OR6Y1: variants seen among roughly 807,000 people sequenced by gnomAD.
The protein encoded by OR6Y1 is olfactory receptor 6Y1.
In OR6Y1, 1 loss-of-function variant was observed where a neutral mutation model predicts 0.4. The ratio of observed to expected loss-of-function variants is 2.74; its 90% CI spans 0.97 to 13.02. The LOEUF (loss-of-function observed/expected upper bound fraction) is 13.02. Ranked by LOEUF, OR6Y1 falls within the 30% of genes most tolerant of loss-of-function variation. The pLI, the probability that OR6Y1 is intolerant of heterozygous loss-of-function variation, is 0.12. For synonymous variants in OR6Y1, 173 were observed against 141.1 expected (o/e 1.23, Z -1.60); for missense variants, 480 against 399.8 (o/e 1.20, Z -1.71).
Position 158,547,858 on chromosome 1 carries a change from C to T in OR6Y1, c.248G>A (p.Ser83Asn). Residue 83 changes from serine (S) to asparagine (N), a missense_variant, in exon 2 of 2, where the codon AGC becomes AAC. Ser to Asn is a conservative substitution (Grantham distance 46, BLOSUM62 1). Coordinates refer to ENST00000641622, the MANE Select transcript of OR6Y1 (RefSeq NM_001005189.2). ...FLEMWYVTVI[S>N]PKMLVDFLSH... ...GAGGAAGTCAACAAGCATCTTGGGG[C>T]TGATGACTGTGACATACCACATCTC... The T allele has an allele frequency of 6.2e-7, 1 of 1,613,552 alleles. No homozygotes were observed. The highest frequency in any genetic ancestry group is 8.5e-7 in the Non-Finnish European group (1 of 1,180,002).
rs1647534172 is a variant in OR6Y1 at position 158,546,400 on chromosome 1, G to GT, written c.*727dup. The GT allele has an allele frequency of 1.3e-5, 2 of 152,126 alleles. No individual in the cohort carries two copies. Among genetic ancestry groups the GT allele is most frequent in the Admixed American group, 1.3e-4 (2 of 15,294 alleles). The allele number at this position is 152,126 out of a possible 1,614,324, so 9.4% of individuals were successfully genotyped here. On this transcript the variant is annotated 3_prime_UTR_variant, in exon 2 of 2. Coordinates refer to ENST00000641622, the MANE Select transcript of OR6Y1 (RefSeq NM_001005189.2). The stretch of plus-strand genomic sequence containing the variant: ...AATTTTTATAAGTTTATTTTAAAGT[G>GT]TTTTTTAATATTTAAGGTTGGTATA...
Position 158,547,851 on chromosome 1 carries a change from C to A in OR6Y1, c.255G>T (p.Lys85Asn). 6.2e-7 allele frequency: 1 copy of A among 1,613,584 alleles called. No homozygotes were observed. Among genetic ancestry groups the A allele is most frequent in the Non-Finnish European group, 8.5e-7 (1 of 1,180,016 alleles). ...CATGACTGAGGAAGTCAACAAGCAT[C>A]TTGGGGCTGATGACTGTGACATACC... ...EMWYVTVISP[K>N]MLVDFLSHDK... The change falls in exon 2 of 2, where the codon AAG becomes AAT. Residue 85 changes from lysine (K) to asparagine (N), a missense_variant. Lys to Asn is a moderately conservative substitution (Grantham distance 94). Coordinates refer to ENST00000641622, the MANE Select transcript of OR6Y1 (RefSeq NM_001005189.2).
rs1215057570 is a variant in OR6Y1 at position 158,546,984 on chromosome 1, TACACACACACACACATGC to T, written c.*126_*143del. The T allele has an allele frequency of 1.1e-5, 8 of 729,736 alleles. No homozygotes were observed. The African/African-American group carries it at 1.5e-4, about 14-fold the overall frequency. The allele number at this position is 729,736 out of a possible 1,614,324, so 45.2% of individuals were successfully genotyped here. A position where few individuals can be genotyped will look rare whatever the true frequency, so the allele number is the denominator to read the frequency against. ...ATGTTTCTCCAGTCATGATTGTGTA[TACACACACACACACATGC>T]ACACACACACAGAGGAGAGCAGTGT... is the stretch of plus-strand genomic sequence containing the variant. On this transcript the variant is annotated 3_prime_UTR_variant, in exon 2 of 2. Transcript: ENST00000641622.
intron 1 of OR6Y1, among the ~76,000 whole-genome samples, chr1:158,553,260 CA>C (rs748079605): frequency 3.3e-5 from 5 of 152,150 alleles, no homozygotes; most frequent in Non-Finnish European, 5.9e-5. Flanking sequence ...AATGTGGTCA[CA>C]TAATGTGATG....
At chr1:158,552,240 G>GTGTA (rs1553215920) in intron 1 of OR6Y1, among the ~76,000 whole-genome samples, 5 of 139,314 alleles carry the variant, frequency 3.6e-5, no homozygotes, top group South Asian at 2.3e-4. Flanking sequence ...ATATATATAT[G>GTGTA]TATATATATA....
chr1:158,545,362 G>T lies in OR6Y1; in HGVS notation c.*1766C>A, dbSNP rs1476919033. ...GGAGGGGGGAGGGATAGCATTAGGA[G>T]ATATACCTAATGCTAAATGATGAGT... On this transcript the variant is annotated 3_prime_UTR_variant, in exon 2 of 2. Coordinates refer to ENST00000641622, the MANE Select transcript of OR6Y1 (RefSeq NM_001005189.2). 1 of 150,668 alleles carries T rather than the reference G, an allele frequency of 6.6e-6. No homozygotes were observed. The highest frequency in any genetic ancestry group is 6.6e-5 in the Admixed American group (1 of 15,096). The allele number at this position is 150,668 out of a possible 1,614,324, so 9.3% of individuals were successfully genotyped here.
At chr1:158,550,150 T>C (rs1313616099) in intron 1 of OR6Y1, among the ~76,000 whole-genome samples, 2 of 151,766 alleles carry the variant, frequency 1.3e-5, no homozygotes, top group Admixed American at 1.3e-4. Context: ...CAGTGTCCTG[T>C]AGAAGATGCC....
chr1:158,550,872 C>T (rs938898364), intron 1 of OR6Y1, among the ~76,000 whole-genome samples: 1 of 151,808 alleles, frequency 6.6e-6, no homozygotes, highest in Non-Finnish European at 1.5e-5. Context: ...ATCATCTTTA[C>T]TGCCAGATGA....
At position 158,548,829 on chromosome 1, in the gene OR6Y1, C is replaced by A. The variant is rs1647626093; in HGVS notation, c.-724G>T. 1.3e-5 allele frequency: 2 copies of A among 151,842 alleles called. No homozygotes were observed. Among genetic ancestry groups the A allele is most frequent in the Non-Finnish European group, 2.9e-5 (2 of 68,030 alleles). 9.4% of individuals were successfully genotyped at this position (151,842 alleles called of 1,614,324 possible). On this transcript the variant is annotated 5_prime_UTR_variant, in exon 2 of 2. Transcript: ENST00000641622. Reference sequence around the variant, plus strand: ...TAGCTAAGTGAGAGTACCACATAATCTTTTAGAATATTAGTTACTTTATTT... The same window carrying A: ...TAGCTAAGTGAGAGTACCACATAATATTTTAGAATATTAGTTACTTTATTT...
Position 158,547,387 on chromosome 1 carries a change from T to TG in OR6Y1, c.718dup (p.Gln240ProfsTer62). On this transcript the variant is annotated frameshift_variant, in exon 2 of 2. Transcript: ENST00000641622. LOFTEE classifies it high-confidence loss of function. ...GGAGGCACAGGTGGAGAATGCCTTTTGGCGGCCCTGAGCAGAAGGGATCCT... is the reference window on the plus strand; with the variant it reads ...GGAGGCACAGGTGGAGAATGCCTTTTGGGCGGCCCTGAGCAGAAGGGATCCT... The TG allele has an allele frequency of 1.2e-6, 2 of 1,613,598 alleles. No individual in the cohort carries two copies. Among genetic ancestry groups the TG allele is most frequent in the East Asian group, 4.5e-5 (2 of 44,868 alleles).
chr1:158,552,240 GTATATA>G (rs143313955), intron 1 of OR6Y1, among the ~76,000 whole-genome samples: 8 of 139,296 alleles, frequency 5.7e-5, no homozygotes, highest in African/African-American at 7.9e-5. Flanking sequence ...ATATATATAT[GTATATA>G]TATATATATA....
chr1:158,553,535 C>T (rs574913525), intron 1 of OR6Y1, among the ~76,000 whole-genome samples: 9 of 151,630 alleles, frequency 5.9e-5, no homozygotes, highest in South Asian at 2.1e-4. Flanking sequence ...CCCGCAAATA[C>T]GTACAATTAT....
At position 158,546,858 on chromosome 1, in the gene OR6Y1, T is replaced by A. The variant is rs892701248; in HGVS notation, c.*270A>T. On this transcript the variant is annotated 3_prime_UTR_variant, in exon 2 of 2. Transcript: ENST00000641622. ...CTTTCCTCCCTCCTACCACCCACTC[T>A]CTCTGTCTCTCTCTCTGTGTTTCTT... is the stretch of plus-strand genomic sequence containing the variant. 3.2e-5 allele frequency: 9 copies of A among 283,258 alleles called. No individual in the cohort carries two copies. The highest frequency in any genetic ancestry group is 2.0e-4 in the African/African-American group (9 of 45,506). 17.5% of individuals were successfully genotyped at this position (283,258 alleles called of 1,614,324 possible). A position where few individuals can be genotyped will look rare whatever the true frequency, so the allele number is the denominator to read the frequency against.
rs759197021 is a variant in OR6Y1 at position 158,547,752 on chromosome 1, G to A, written c.354C>T (p.Ile118=). 13 of 1,613,410 alleles carry A rather than the reference G, an allele frequency of 8.1e-6. No individual in the cohort carries two copies. Among genetic ancestry groups the A allele is most frequent in the Middle Eastern group, 1.6e-4 (1 of 6,084 alleles). The change falls in exon 2 of 2, where the codon ATC becomes ATT. Residue 118 remains isoleucine, a synonymous_variant. Coordinates refer to ENST00000641622, the MANE Select transcript of OR6Y1 (RefSeq NM_001005189.2). ...GGTCAAAGGCCATGATAGCAAGAAG[G>A]ATGTACTCAGTGCAGACAAAGGTCA... ...FFVTFVCTEY[I]LLAIMAFDRY...
rs931350550 is a variant in OR6Y1 at position 158,545,169 on chromosome 1, C to T, written c.*1959G>A. 5 of 151,938 alleles carry T rather than the reference C, an allele frequency of 3.3e-5. No individual in the cohort carries two copies. Among genetic ancestry groups the T allele is most frequent in the African/African-American group, 1.2e-4 (5 of 41,436 alleles). The allele number at this position is 151,938 out of a possible 1,614,324, so 9.4% of individuals were successfully genotyped here. On this transcript the variant is annotated 3_prime_UTR_variant, in exon 2 of 2. Coordinates refer to ENST00000641622, the MANE Select transcript of OR6Y1 (RefSeq NM_001005189.2). ...CTCCCAACAACATTGAATACGTGTT[C>T]CTTTTTCTCCACAACCTCACCAGCA... is the stretch of plus-strand genomic sequence containing the variant.
chr1:158,552,243 T>C (rs1647721718), intron 1 of OR6Y1, among the ~76,000 whole-genome samples: 1 of 113,678 alleles, frequency 8.8e-6, no homozygotes, highest in African/African-American at 3.8e-5. Context: ...TATATATGTA[T>C]ATATATATAT....
Position 158,548,013 on chromosome 1 carries a change from G to A in OR6Y1, c.93C>T (p.Leu31=), listed in dbSNP as rs1270868360. The change falls in exon 2 of 2, where the codon CTC becomes CTT. Residue 31 remains leucine (L), a synonymous_variant. Transcript: ENST00000641622. ...AGGTTGCCAGGAAAATGGAGAAAAA[G>A]AGAAGCTGGAAGGCTGGTCGTGTTG... ...GFPTRPAFQL[L]FFSIFLATYL... 8.1e-6 allele frequency: 13 copies of A among 1,613,452 alleles called. No homozygotes were observed. The highest frequency in any genetic ancestry group is 1.1e-5 in the Non-Finnish European group (13 of 1,179,990).
chr1:158,553,369 C>T (rs573720585), intron 1 of OR6Y1, among the ~76,000 whole-genome samples: 2 of 152,072 alleles, frequency 1.3e-5, no homozygotes, highest in South Asian at 4.2e-4. Flanking sequence ...CTGTAGTTAA[C>T]AATAATATGA....
Position 158,547,078 on chromosome 1 carries a change from TGTGTA to T in OR6Y1, c.*45_*49del. The T allele has an allele frequency of 6.5e-7, 1 of 1,549,784 alleles. No homozygotes were observed. Among genetic ancestry groups the T allele is most frequent in the Non-Finnish European group, 8.7e-7 (1 of 1,144,772 alleles). On this transcript the variant is annotated 3_prime_UTR_variant, in exon 2 of 2. Transcript: ENST00000641622. Reference sequence around the variant, plus strand: ...CCAAAGACAAGACTGAGGGGGAAAGTGTGTAGTGATCATCTCTCAGTTCAAGCCTG... The same window carrying T: ...CCAAAGACAAGACTGAGGGGGAAAGTGTGATCATCTCTCAGTTCAAGCCTG...
Sources: gnomAD v4.1 joint callset for allele counts (sites outside exome capture counted in the v4.1 genomes callset) on GRCh38, gnomAD v4.1.1 for gene constraint, MANE v1.5 for transcripts, NCBI Gene and HGNC (gene_info 2026-07-23, HGNC 2026-07-21) for gene names.